The following FSHR variants were observed in gnomAD, a reference collection of about 807,000 sequenced individuals.
The protein encoded by FSHR is follicle stimulating hormone receptor.
In FSHR, 46 loss-of-function variants were observed where a neutral mutation model predicts 52.1. The ratio of observed to expected loss-of-function variants is 0.88; its 90% CI spans 0.70 to 1.13. The LOEUF (loss-of-function observed/expected upper bound fraction) is 1.13. Among genes scored for constraint, FSHR ranks in the 50% most tolerant of loss-of-function variants. FSHR has a pLI of 0.00. For synonymous variants in FSHR, 399 were observed against 309.6 expected (o/e 1.29, Z -3.03); for missense variants, 964 against 834.6 (o/e 1.16, Z -1.91).
chr2:49,048,232 A>T (rs185117683), intron 2 of FSHR, among the ~76,000 whole-genome samples: 1 of 151,858 alleles, frequency 6.6e-6, no homozygotes, highest in Non-Finnish European at 1.5e-5. Context: ...TCATACCTCA[A>T]GAAGACTGGA....
intron 1 of FSHR, among the ~76,000 whole-genome samples, chr2:49,143,732 T>C (rs982790535): frequency 2.6e-5 from 4 of 152,160 alleles, no homozygotes; most frequent in African/African-American, 9.7e-5. Context: ...CCCAGAAAGC[T>C]GAATTAAAAT....
chr2:49,072,606 T>C (rs1669778429), intron 1 of FSHR, among the ~76,000 whole-genome samples: 1 of 152,162 alleles, frequency 6.6e-6, no homozygotes. Context: ...TGAAAGACTG[T>C]TGATAGAAAT....
chr2:48,987,863 C>T (rs1225341905), intron 6 of FSHR, among the ~76,000 whole-genome samples: 3 of 151,890 alleles, frequency 2.0e-5, no homozygotes, highest in Non-Finnish European at 1.5e-5. Flanking sequence ...CACACACACA[C>T]ACACACACCC....
At chr2:49,065,616 A>G (rs1669474157) in intron 2 of FSHR, among the ~76,000 whole-genome samples, 1 of 152,140 alleles carries the variant, frequency 6.6e-6, no homozygotes, top group Non-Finnish European at 1.5e-5. Context: ...GTTCACTCAG[A>G]TGTAGATGTT....
chr2:49,058,873 C>T (rs1669173276), intron 2 of FSHR, among the ~76,000 whole-genome samples: 2 of 152,132 alleles, frequency 1.3e-5, no homozygotes, highest in African/African-American at 2.4e-5. Context: ...AATGACCTTA[C>T]TAACTAAAGC....
intron 1 of FSHR, among the ~76,000 whole-genome samples, chr2:49,076,559 T>A (rs1669957129): frequency 1.3e-5 from 2 of 152,048 alleles, no homozygotes; most frequent in Non-Finnish European, 2.9e-5. Flanking sequence ...CCCTCCCAAA[T>A]CTCATGTCCT....
At chr2:49,019,451 G>T (rs1482526489) in intron 3 of FSHR, among the ~76,000 whole-genome samples, 1 of 152,144 alleles carries the variant, frequency 6.6e-6, no homozygotes, top group Non-Finnish European at 1.5e-5. Flanking sequence ...AAGTGGATCT[G>T]TGTGAGCAGC....
rs79110060 is a variant in FSHR at position 49,013,515 on chromosome 2, T to A, written c.374+3974A>T. 3.6e-3 allele frequency among the ~76,000 whole-genome samples: 449 copies of A among 125,434 alleles called. 8 individuals are homozygous for A. The highest frequency in any genetic ancestry group is 0.012 in the African/African-American group (435 of 35,288). The allele number at this position is 125,434 out of a possible 152,430, so 82.3% of individuals were successfully genotyped here. A position where few individuals can be genotyped will look rare whatever the true frequency, so the allele number is the denominator to read the frequency against. On this transcript the variant is annotated intron_variant, in intron 4 of 9. Transcript: ENST00000406846. Reference sequence around the variant, plus strand: ...ATATATATATAAATATATATATATATAAATATATATAAAAATATATATATA... The same window carrying A: ...ATATATATATAAATATATATATATAAAAATATATATAAAAATATATATATA...
At chr2:49,141,521 A>G (rs1432711270) in intron 1 of FSHR, among the ~76,000 whole-genome samples, 1 of 152,148 alleles carries the variant, frequency 6.6e-6, no homozygotes, top group African/African-American at 2.4e-5. Flanking sequence ...TCAAGAGAAC[A>G]GCACCAAGCC....
intron 1 of FSHR, among the ~76,000 whole-genome samples, chr2:49,116,034 G>A (rs1022027339): frequency 5.3e-5 from 8 of 152,126 alleles, no homozygotes; most frequent in African/African-American, 1.4e-4. Context: ...AGAAGAGAGC[G>A]AGGAGACTAT....
chr2:48,983,335 T>C (rs1485141900), intron 6 of FSHR, among the ~76,000 whole-genome samples, 169 bp from the exon 7 acceptor site: 6 of 152,226 alleles, frequency 3.9e-5, no homozygotes, highest in Non-Finnish European at 7.3e-5. Flanking sequence ...TTTATTGCTG[T>C]ATAATCTTTT....
intron 3 of FSHR, among the ~76,000 whole-genome samples, chr2:49,019,231 C>G (rs967462538): frequency 6.6e-6 from 1 of 152,122 alleles, no homozygotes; most frequent in Non-Finnish European, 1.5e-5. Context: ...AAGAAGCAAA[C>G]CTATCTAATT....
chr2:48,993,519 C>T (rs1675879019), intron 4 of FSHR, among the ~76,000 whole-genome samples: 1 of 152,108 alleles, frequency 6.6e-6, no homozygotes, highest in Non-Finnish European at 1.5e-5. Context: ...CCCAAAAGAC[C>T]CTCTGAATGT....
At chr2:48,988,230 T>A (rs1303745764) in intron 6 of FSHR, among the ~76,000 whole-genome samples, 4 of 152,234 alleles carry the variant, frequency 2.6e-5, no homozygotes, top group Non-Finnish European at 5.9e-5. Flanking sequence ...CATACTGGTA[T>A]ATTTTTTTAA....
chr2:49,097,394 C>T (rs1670867915), intron 1 of FSHR, among the ~76,000 whole-genome samples: 1 of 152,168 alleles, frequency 6.6e-6, no homozygotes, highest in Non-Finnish European at 1.5e-5. Context: ...GTTGAGCCCA[C>T]TAGGGAACTT....
At chr2:49,090,318 C>T (rs945017411) in intron 1 of FSHR, among the ~76,000 whole-genome samples, 1 of 152,136 alleles carries the variant, frequency 6.6e-6, no homozygotes, top group Admixed American at 6.5e-5. Flanking sequence ...CCAATCTGTT[C>T]TCTGTTACTA....
intron 1 of FSHR, among the ~76,000 whole-genome samples, chr2:49,080,778 C>T (rs1246974927): frequency 6.6e-6 from 1 of 152,138 alleles, no homozygotes; most frequent in Non-Finnish European, 1.5e-5. Flanking sequence ...CCAGAGACAG[C>T]AAACAACTGG....
intron 1 of FSHR, among the ~76,000 whole-genome samples, chr2:49,076,152 A>T (rs1479574685): frequency 6.6e-6 from 1 of 152,190 alleles, no homozygotes; most frequent in Admixed American, 6.5e-5. Context: ...AAAAAATCCC[A>T]ATCTTATATA....
intron 2 of FSHR, among the ~76,000 whole-genome samples, chr2:49,044,177 C>T (rs1254920275): frequency 2.0e-5 from 3 of 152,146 alleles, no homozygotes; most frequent in African/African-American, 7.2e-5. Flanking sequence ...ATAAAAACAG[C>T]TTAGGAGCTA....
Sources: allele counts gnomAD v4.1 joint callset (sites outside exome capture counted in the v4.1 genomes callset), GRCh38; gene constraint gnomAD v4.1.1; transcripts MANE v1.5; gene names NCBI Gene and HGNC (gene_info 2026-07-23, HGNC 2026-07-21).